The following FILIP1L variants were observed in gnomAD, a reference collection of about 807,000 sequenced individuals.
FILIP1L encodes filamin A-interacting protein 1-like.
A neutral mutation model predicts 96.6 loss-of-function variants in FILIP1L; 55 were observed. That is an observed-to-expected ratio of 0.57 (90% CI 0.46 to 0.71). FILIP1L has a LOEUF of 0.71. Among genes scored for constraint, FILIP1L ranks in the 30% least tolerant of loss-of-function variants. The pLI is 0.00. For missense variants in FILIP1L, 1,304 were observed against 1,321.2 expected, an observed-to-expected ratio of 0.99 and a Z score of 0.20; for synonymous variants, 467 against 473.9, an observed-to-expected ratio of 0.99 and a Z score of 0.19.
intron 1 of FILIP1L, among the ~76,000 whole-genome samples, chr3:100,019,021 T>C (rs1314622230): frequency 6.6e-6 from 1 of 152,168 alleles, no homozygotes; most frequent in Non-Finnish European, 1.5e-5. Context: ...TTAGAATGAC[T>C]GTTATCAAAA....
In FILIP1L at chr3:99,867,521, A is replaced by G. The variant is rs1422209804; in HGVS notation, c.606-16451T>C. On this transcript the variant is annotated intron_variant, in intron 4 of 5. Coordinates refer to ENST00000477258, the MANE Select transcript of FILIP1L (RefSeq NM_001387850.1). The stretch of plus-strand genomic sequence containing the variant: ...AAAGCAGAACCCCAGGTATTAAACA[A>G]TTGAAAAGCCACATATCTGATGGAC... Among the ~76,000 whole-genome samples, 6 of 152,336 alleles carry G rather than the reference A, an allele frequency of 3.9e-5. No homozygotes were observed. In the East Asian group the frequency reaches 1.2e-3, roughly 29 times the overall value.
chr3:99,995,316 C>T (rs750607248), intron 1 of FILIP1L, among the ~76,000 whole-genome samples: 7 of 152,184 alleles, frequency 4.6e-5, no homozygotes, highest in Admixed American at 6.5e-5. Flanking sequence ...TCCTTTATCC[C>T]CAGGTCTCAC....
intron 1 of FILIP1L, among the ~76,000 whole-genome samples, chr3:99,963,610 A>AT (rs148027279): frequency 2.4e-4 from 35 of 147,710 alleles, no homozygotes; most frequent in South Asian, 8.8e-4. Flanking sequence ...ATATGCATCC[A>AT]TTTTTTTTTT....
intron 1 of FILIP1L, among the ~76,000 whole-genome samples, chr3:100,014,903 T>A (rs1185700265): frequency 1.4e-5 from 2 of 142,468 alleles, no homozygotes. Flanking sequence ...TTCTTTTTTT[T>A]TTTTTTTTTT....
intron 4 of FILIP1L, among the ~76,000 whole-genome samples, chr3:99,913,969 G>C (rs1706874168): frequency 6.6e-6 from 1 of 152,192 alleles, no homozygotes; most frequent in South Asian, 2.1e-4. Flanking sequence ...GATAAGTAGG[G>C]AGGAAATTTA....
At chr3:99,924,501 G>A in intron 3 of FILIP1L, 93 bp from the exon 4 acceptor site, 1 of 1,305,426 alleles carries the variant, frequency 7.7e-7, no homozygotes, top group Non-Finnish European at 1.1e-6. Flanking sequence ...GATTAATTCG[G>A]CAGTGGGTTT....
intron 4 of FILIP1L, among the ~76,000 whole-genome samples, chr3:99,855,767 T>TG (rs1438197212): frequency 2.0e-5 from 3 of 152,238 alleles, no homozygotes; most frequent in African/African-American, 7.2e-5. Context: ...GCCAAAAGAA[T>TG]GTTGAAAAAC....
intron 4 of FILIP1L, 151 bp downstream of exon 4, chr3:99,924,079 T>C (rs1707210271): frequency 1.4e-6 from 1 of 705,268 alleles, no homozygotes; most frequent in Non-Finnish European, 2.4e-6. Flanking sequence ...GTACTGATAA[T>C]GTCTTCAAAC....
chr3:100,092,251 G>T (rs2066123182), intron 1 of FILIP1L, among the ~76,000 whole-genome samples: 1 of 152,178 alleles, frequency 6.6e-6, no homozygotes, highest in South Asian at 2.1e-4. Context: ...AATTGATTGT[G>T]ATTGGAAATA....
chr3:99,983,462 G>GTATA (rs1466852207), intron 1 of FILIP1L, among the ~76,000 whole-genome samples: 29 of 11,972 alleles, frequency 2.4e-3, no homozygotes, highest in Non-Finnish European at 4.1e-3. Context: ...ATATATATGT[G>GTATA]TGTATATATA....
In FILIP1L at chr3:100,032,011, C is replaced by T. The variant is rs116783048; in HGVS notation, c.-11+82042G>A. ...GAAAAATCCTAATTTTTAATTTTTTCAGCTGTTTAAAAATGTAAAAATTAT... is the reference window on the plus strand; with the variant it reads ...GAAAAATCCTAATTTTTAATTTTTTTAGCTGTTTAAAAATGTAAAAATTAT... On this transcript the variant is annotated intron_variant, in intron 1 of 5. Transcript: ENST00000477258. 3.6e-3 allele frequency among the ~76,000 whole-genome samples: 550 copies of T among 151,828 alleles called. 2 individuals are homozygous for T. Among genetic ancestry groups the T allele is most frequent in the African/African-American group, 0.013 (537 of 41,450 alleles).
intron 4 of FILIP1L, among the ~76,000 whole-genome samples, chr3:99,882,097 A>G (rs1400897284): frequency 6.6e-6 from 1 of 152,234 alleles, no homozygotes; most frequent in Admixed American, 6.5e-5. Flanking sequence ...ATTCCTGAGC[A>G]TAAATTTTAA....
chr3:100,007,776 G>GA (rs1710030462), intron 1 of FILIP1L, among the ~76,000 whole-genome samples: 1 of 152,096 alleles, frequency 6.6e-6, no homozygotes. Context: ...AGTACTGATA[G>GA]AAAAAATATA....
At chr3:100,009,675 A>G (rs1398747304) in intron 1 of FILIP1L, among the ~76,000 whole-genome samples, 2 of 152,258 alleles carry the variant, frequency 1.3e-5, no homozygotes, top group East Asian at 3.8e-4. Flanking sequence ...GAAAGTCAAC[A>G]GAGGAAATTA....
intron 1 of FILIP1L, among the ~76,000 whole-genome samples, chr3:99,983,659 CA>C (rs1161637163): frequency 8.5e-4 from 124 of 145,498 alleles, no homozygotes; most frequent in African/African-American, 2.9e-3. Context: ...CACTGCACTC[CA>C]GCCTGGGTGA....
chr3:99,993,824 G>C (rs368688352), intron 1 of FILIP1L, among the ~76,000 whole-genome samples: 18 of 152,146 alleles, frequency 1.2e-4, no homozygotes, highest in African/African-American at 4.3e-4. Flanking sequence ...GGGATAAATC[G>C]TACTTGATCA....
intron 1 of FILIP1L, among the ~76,000 whole-genome samples, chr3:99,987,929 T>C (rs1279700051): frequency 6.6e-6 from 1 of 152,260 alleles, no homozygotes; most frequent in East Asian, 1.9e-4. Context: ...TGTTGGATTC[T>C]TGAAAGATGT....
In FILIP1L at chr3:99,930,989, G is replaced by T. The variant is rs1416520167; in HGVS notation, c.32C>A (p.Ser11Ter). The T allele has an allele frequency of 6.2e-7, 1 of 1,613,714 alleles. No individual in the cohort carries two copies. The change falls in exon 2 of 6, where the codon TCA (serine) becomes TAA (stop). Residue 11 changes from serine to a stop codon, truncating the protein, a stop_gained. Transcript: ENST00000477258. LOFTEE classifies it high-confidence loss of function. Reference protein sequence around the residue: MRSRGSDTEGSAQKKFPRHTK... With the variant: MRSRGSDTEG ...ATGTCTTGGAAATTTCTTTTGGGCTGAGCCCTCGGTATCACTGCCTCTGGA... is the reference window on the plus strand; with the variant it reads ...ATGTCTTGGAAATTTCTTTTGGGCTTAGCCCTCGGTATCACTGCCTCTGGA...
chr3:99,970,991 C>T (rs1708797101), intron 1 of FILIP1L, among the ~76,000 whole-genome samples: 1 of 152,156 alleles, frequency 6.6e-6, no homozygotes, highest in East Asian at 1.9e-4. Context: ...AGAGGAGGGG[C>T]TGTATTCACA....
Sources: allele counts gnomAD v4.1 joint callset (sites outside exome capture counted in the v4.1 genomes callset), GRCh38; gene constraint gnomAD v4.1.1; transcripts MANE v1.5; gene names NCBI Gene and HGNC (gene_info 2026-07-23, HGNC 2026-07-21).